Variants in CSTF2 observed in about 807,000 individuals in gnomAD.
CSTF2 encodes the protein CF-1 64 kDa subunit.
A neutral mutation model predicts 45.4 loss-of-function variants in CSTF2; 8 were observed. That is an observed-to-expected ratio of 0.18 (90% confidence interval 0.10 to 0.32). The LOEUF (loss-of-function observed/expected upper bound fraction) is 0.32. Ranked by LOEUF, CSTF2 falls within the 10% of genes least tolerant of loss-of-function variation. The probability of loss-of-function intolerance (pLI) is 1.00; values close to 1 mark genes in which losing one functional copy is unlikely to be tolerated. For missense variants in CSTF2, 253 were observed against 477.1 expected (o/e 0.53, Z 4.38); for synonymous variants, 155 against 158.9 (o/e 0.98, Z 0.18).
intron 1 of CSTF2, 25 bp downstream of exon 1, chrX:100,820,499 G>A: frequency 2.5e-6 from 3 of 1,194,407 alleles, no homozygotes; most frequent in Non-Finnish European, 3.4e-6. Context: ...TTGTAGTCAA[G>A]CTTCGGGGAG....
chrX:100,831,529 C>G lies in CSTF2; in HGVS notation c.904C>G (p.Pro302Ala). Reference sequence around the variant, plus strand: ...TTCCCTGTCAGTGCCGATGCAAGACCCCAGAGCAGCTATGCAGCGGGGATC... The same window carrying G: ...TTCCCTGTCAGTGCCGATGCAAGACGCCAGAGCAGCTATGCAGCGGGGATC... Reference protein sequence around the residue: ...MERGQVPMQDPRAAMQRGSLP... With the variant: ...MERGQVPMQDARAAMQRGSLP... Residue 302 changes from proline to alanine, a missense_variant, in exon 9 of 14, where the codon CCC (proline) becomes GCC (alanine). Physicochemically the swap from Pro to Ala is conservative, Grantham distance 27. Transcript: ENST00000372972. 8.3e-7 allele frequency: 1 copy of G among 1,211,614 alleles called. No homozygotes were observed. Among genetic ancestry groups the G allele is most frequent in the Non-Finnish European group, 1.1e-6 (1 of 895,413 alleles).
intron 2 of CSTF2, among the ~76,000 whole-genome samples, 186 bp downstream of exon 2, chrX:100,821,791 T>C (rs1306956682): frequency 8.9e-6 from 1 of 112,548 alleles, no homozygotes; most frequent in Admixed American, 9.4e-5. Context: ...AATATGTTTT[T>C]TTCGTTAAAA....
chrX:100,821,820 A>G (rs1355624716), intron 2 of CSTF2, among the ~76,000 whole-genome samples: 1 of 112,581 alleles, frequency 8.9e-6, no homozygotes, highest in Non-Finnish European at 1.9e-5. Flanking sequence ...TAGGCAGGGC[A>G]TAGTGACTCA....
chrX:100,823,729 T>C (rs948185924), intron 4 of CSTF2, among the ~76,000 whole-genome samples, 157 bp from the exon 5 acceptor site: 24 of 112,404 alleles, frequency 2.1e-4, no homozygotes, highest in African/African-American at 7.7e-4. Flanking sequence ...AATGCCTCTT[T>C]CTTCTCTTGC....
intron 11 of CSTF2, among the ~76,000 whole-genome samples, chrX:100,835,219 C>T (rs1022491662): frequency 9.3e-6 from 1 of 107,017 alleles, no homozygotes; most frequent in African/African-American, 3.4e-5. Flanking sequence ...GCATTCTGAT[C>T]GCACCTGTGA....
chrX:100,821,701 T>C, intron 2 of CSTF2, 96 bp downstream of exon 2: 1 of 567,518 alleles, frequency 1.8e-6, no homozygotes, highest in Non-Finnish European at 3.0e-6. Flanking sequence ...CTGGTGACTT[T>C]TCACATACAT....
intron 11 of CSTF2, among the ~76,000 whole-genome samples, chrX:100,836,411 TACTGA>T (rs1164830890): frequency 8.9e-6 from 1 of 112,235 alleles, no homozygotes; most frequent in Non-Finnish European, 1.9e-5. Flanking sequence ...CTCTTCATAT[TACTGA>T]AGTGGTATCT....
intron 8 of CSTF2, chrX:100,830,837 G>A (rs867863484): frequency 5.2e-6 from 6 of 1,152,257 alleles, no homozygotes; most frequent in African/African-American, 3.6e-5. Flanking sequence ...CGTGGGACCC[G>A]CCGGGCCTGC....
intron 3 of CSTF2, 83 bp from the exon 4 acceptor site, chrX:100,823,209 A>T (rs2084928394): frequency 1.0e-5 from 11 of 1,064,204 alleles, no homozygotes; most frequent in Non-Finnish European, 1.3e-5. Flanking sequence ...TGGTTCTTAC[A>T]GCAGCCCTGA....
chrX:100,834,074 T>G (rs553654218), intron 11 of CSTF2, among the ~76,000 whole-genome samples: 5 of 112,013 alleles, frequency 4.5e-5, no homozygotes, highest in African/African-American at 1.6e-4. Context: ...AAGTCTTGTC[T>G]CCTCTCTTTT....
chrX:100,830,920 G>A lies in CSTF2; in HGVS notation c.890-595G>A, dbSNP rs1015709978. On this transcript the variant is annotated intron_variant, in intron 8 of 13. Coordinates refer to ENST00000372972, the MANE Select transcript of CSTF2 (RefSeq NM_001325.3). Reference sequence around the variant, plus strand: ...TTGCTTGTGGTGTTCAGGGTGGGACGTTGAGAGGAAAAGAGCTGCGTGGCA... The same window carrying A: ...TTGCTTGTGGTGTTCAGGGTGGGACATTGAGAGGAAAAGAGCTGCGTGGCA... 6 of 987,253 alleles carry A rather than the reference G, an allele frequency of 6.1e-6. No homozygotes were observed. The Admixed American group carries it at 8.0e-5, about 13-fold the overall frequency. The allele number at this position is 987,253 out of a possible 1,213,427, so 81.4% of individuals were successfully genotyped here. A position where few individuals can be genotyped will look rare whatever the true frequency, so the allele number is the denominator to read the frequency against.
At chrX:100,828,198 A>G in intron 8 of CSTF2, 96 bp downstream of exon 8, 1 of 585,405 alleles carries the variant, frequency 1.7e-6, no homozygotes, top group Non-Finnish European at 2.6e-6. Context: ...ACCCATGGCT[A>G]TTTCAATATT....
Position 100,833,319 on chromosome X carries a change from G to A in CSTF2, c.1347G>A (p.Ala449=), listed in dbSNP as rs779142875. 5.8e-6 allele frequency: 7 copies of A among 1,209,486 alleles called. No individual in the cohort carries two copies. The highest frequency in any genetic ancestry group is 2.2e-5 in the Admixed American group (1 of 45,866). Residue 449 remains alanine (A), a synonymous_variant, in exon 11 of 14, where the codon GCG becomes GCA. Transcript: ENST00000372972. ...AMEARAMEAR[A]MEARAMEVRG... is the part of the protein sequence containing the mutation. ...AAGCTCGTGCAATGGAGGCCCGAGC[G>A]ATGGAGGCCCGTGCAATGGAAGTCC... is the stretch of plus-strand genomic sequence containing the variant.
chrX:100,831,391 C>A, intron 8 of CSTF2, 124 bp from the exon 9 acceptor site: 1 of 767,236 alleles, frequency 1.3e-6, no homozygotes, highest in Non-Finnish European at 2.0e-6. Context: ...CAAGAGGATT[C>A]TGCTGTGGTG....
At chrX:100,830,012 G>A (rs1447834460) in intron 8 of CSTF2, among the ~76,000 whole-genome samples, 4 of 112,029 alleles carry the variant, frequency 3.6e-5, no homozygotes, top group African/African-American at 1.3e-4. Context: ...GTACCCAGCA[G>A]AGGAAGCAAG....
chrX:100,833,130 C>G (rs763567112), intron 10 of CSTF2, 50 bp from the exon 11 acceptor site: 10 of 1,130,903 alleles, frequency 8.8e-6, no homozygotes, highest in Non-Finnish European at 9.6e-6. Flanking sequence ...ATCATTCTTG[C>G]AGTACATGCA....
At chrX:100,828,833 T>G (rs182320997) in intron 8 of CSTF2, among the ~76,000 whole-genome samples, 1 of 112,552 alleles carries the variant, frequency 8.9e-6, no homozygotes, top group African/African-American at 3.2e-5. Context: ...AATAATCTTG[T>G]GAGTTAGGTG....
Position 100,833,425 on chromosome X carries a change from C to A in CSTF2, c.1453C>A (p.Pro485Thr). 1 of 1,208,420 alleles carries A rather than the reference C, an allele frequency of 8.3e-7. No homozygotes were observed. Among genetic ancestry groups the A allele is most frequent in the Non-Finnish European group, 1.1e-6 (1 of 893,732 alleles). Residue 485 changes from proline (P) to threonine (T), a missense_variant, in exon 11 of 14, where the codon CCC becomes ACC. Around this residue, in one of 3 missense-constraint regions of CSTF2, gnomAD observed 200 missense variants for 294.0 expected, o/e 0.68. Coordinates refer to ENST00000372972, the MANE Select transcript of CSTF2 (RefSeq NM_001325.3). The stretch of plus-strand genomic sequence containing the variant: ...ACCTATACCTAGTGGAATGCAGGGT[C>A]CCAGTCCAATTAACATGGGGGCGGT... ...RGPIPSGMQG[P>T]SPINMGAVVP...
At chrX:100,827,953 G>C in intron 7 of CSTF2, 87 bp from the exon 8 acceptor site, 1 of 762,141 alleles carries the variant, frequency 1.3e-6, no homozygotes, top group South Asian at 2.7e-5. Flanking sequence ...AGCAGAATGA[G>C]GAAATTTGTA....
Sources: gnomAD v4.1 joint callset for allele counts (sites outside exome capture counted in the v4.1 genomes callset) on GRCh38, gnomAD v4.1.1 for gene constraint, gnomAD v4.1.1 regional missense constraint, MANE v1.5 for transcripts, NCBI Gene and HGNC (gene_info 2026-07-23, HGNC 2026-07-21) for gene names.